The following FBXL7 variants were observed in gnomAD, a reference collection of about 807,000 sequenced individuals.
The protein encoded by FBXL7 is F-box and leucine rich repeat protein 7.
FBXL7 carries 12 observed loss-of-function variants against 38.3 expected under a neutral mutation model. The observed-to-expected ratio is 0.31, with a 90% CI of 0.20 to 0.51. FBXL7 has a LOEUF of 0.51. FBXL7 is among the 20% of genes least tolerant of loss of function. The pLI is 0.98. For synonymous variants in FBXL7, 297 were observed against 300.9 expected, an observed-to-expected ratio of 0.99 and a Z score of 0.13; for missense variants, 567 against 676.4, an observed-to-expected ratio of 0.84 and a Z score of 1.79.
At chr5:15,503,249 T>G (rs557979098) in intron 1 of FBXL7, among the ~76,000 whole-genome samples, 10 of 152,258 alleles carry the variant, frequency 6.6e-5, no homozygotes, top group African/African-American at 2.4e-4. Context: ...GGTGAAACCC[T>G]GTCTCTACTA....
chr5:15,637,283 A>G (rs867718924), intron 2 of FBXL7, among the ~76,000 whole-genome samples: 1 of 152,356 alleles, frequency 6.6e-6, no homozygotes, highest in African/African-American at 2.4e-5. Flanking sequence ...AAGCCCATAT[A>G]CAAGGGGAAT....
At chr5:15,666,999 T>C (rs1466886325) in intron 2 of FBXL7, among the ~76,000 whole-genome samples, 12 of 152,196 alleles carry the variant, frequency 7.9e-5, no homozygotes. Context: ...ATTATAACCT[T>C]GTTTGTGGGA....
intron 2 of FBXL7, among the ~76,000 whole-genome samples, chr5:15,621,985 A>G (rs1864220): frequency 6.6e-6 from 1 of 152,178 alleles, no homozygotes; most frequent in Non-Finnish European, 1.5e-5. Flanking sequence ...AGATGCAAAG[A>G]TAAATGAGAA....
At chr5:15,751,336 G>T (rs1244052488) in intron 2 of FBXL7, among the ~76,000 whole-genome samples, 1 of 152,164 alleles carries the variant, frequency 6.6e-6, no homozygotes, top group Admixed American at 6.5e-5. Flanking sequence ...GGGACTGAAG[G>T]ATATGACGTG....
intron 2 of FBXL7, among the ~76,000 whole-genome samples, chr5:15,730,217 G>A (rs1488799258): frequency 1.3e-5 from 2 of 151,748 alleles, no homozygotes. Context: ...ACAGAAATTT[G>A]GAAGAAATTT....
chr5:15,923,039 C>T (rs982008906), intron 2 of FBXL7, among the ~76,000 whole-genome samples: 1 of 152,180 alleles, frequency 6.6e-6, no homozygotes, highest in Non-Finnish European at 1.5e-5. Flanking sequence ...TTTCTTTCAG[C>T]ACATATAGTC....
rs146756955 is a variant in FBXL7 at position 15,783,362 on chromosome 5, T to G, written c.128-144528T>G. Among the ~76,000 whole-genome samples, 33 of 152,128 alleles carry G rather than the reference T, an allele frequency of 2.2e-4. 1 individual carries two copies. The highest frequency in any genetic ancestry group is 7.0e-4 in the African/African-American group (29 of 41,504). Reference sequence around the variant, plus strand: ...AATGAGAAGGTCCTGGGTGTGACACTGAGACGAGATGCCTAAGGCAGAGTG... The same window carrying G: ...AATGAGAAGGTCCTGGGTGTGACACGGAGACGAGATGCCTAAGGCAGAGTG... On this transcript the variant is annotated intron_variant, in intron 2 of 3. Coordinates refer to ENST00000504595, the MANE Select transcript of FBXL7 (RefSeq NM_012304.5).
intron 2 of FBXL7, among the ~76,000 whole-genome samples, chr5:15,770,552 G>T (rs73752303): frequency 6.6e-6 from 1 of 152,034 alleles, no homozygotes; most frequent in Non-Finnish European, 1.5e-5. Context: ...ATAAACGAAC[G>T]AGTAGCTACT....
intron 1 of FBXL7, among the ~76,000 whole-genome samples, chr5:15,531,376 A>G (rs1737426124): frequency 6.6e-6 from 1 of 152,156 alleles, no homozygotes; most frequent in African/African-American, 2.4e-5. Flanking sequence ...TCTCGTTAAA[A>G]TAAAGGACTT....
chr5:15,533,800 G>C (rs577683844), intron 1 of FBXL7, among the ~76,000 whole-genome samples: 16 of 152,086 alleles, frequency 1.1e-4, no homozygotes, highest in Non-Finnish European at 2.1e-4. Flanking sequence ...AGGAATATAG[G>C]GAGGATTAGG....
chr5:15,544,758 T>C (rs1580361847), intron 1 of FBXL7, among the ~76,000 whole-genome samples: 2 of 152,324 alleles, frequency 1.3e-5, no homozygotes, highest in South Asian at 4.1e-4. Context: ...ACATTCATTG[T>C]GGCCCTTATT....
chr5:15,777,116 G>A (rs971200005), intron 2 of FBXL7, among the ~76,000 whole-genome samples: 3 of 151,938 alleles, frequency 2.0e-5, no homozygotes, highest in African/African-American at 7.2e-5. Context: ...AACAACCTAG[G>A]GAGAGAGGAT....
intron 2 of FBXL7, among the ~76,000 whole-genome samples, chr5:15,747,409 G>A (rs1229342634): frequency 6.6e-6 from 1 of 152,162 alleles, no homozygotes; most frequent in African/African-American, 2.4e-5. Context: ...GATTGCCAAA[G>A]TAAAAGTTGC....
intron 2 of FBXL7, among the ~76,000 whole-genome samples, chr5:15,701,416 A>G (rs1743517256): frequency 6.6e-6 from 1 of 152,244 alleles, no homozygotes; most frequent in Non-Finnish European, 1.5e-5. Context: ...ATTCATCAGC[A>G]GTAAGTCATT....
At chr5:15,610,036 G>A (rs1740174731) in intron 1 of FBXL7, among the ~76,000 whole-genome samples, 1 of 152,200 alleles carries the variant, frequency 6.6e-6, no homozygotes, top group African/African-American at 2.4e-5. Flanking sequence ...GAGAATAAAA[G>A]CCAAGTGAAA....
intron 2 of FBXL7, among the ~76,000 whole-genome samples, chr5:15,812,337 G>T (rs959776314): frequency 6.6e-6 from 1 of 152,026 alleles, no homozygotes; most frequent in African/African-American, 2.4e-5. Flanking sequence ...GGGGCCTGTG[G>T]GGAAATGGGG....
At chr5:15,720,272 T>G in intron 2 of FBXL7, among the ~76,000 whole-genome samples, 1 of 148,808 alleles carries the variant, frequency 6.7e-6, no homozygotes, top group Non-Finnish European at 1.5e-5. Context: ...TTCTTTTGGG[T>G]TTTTCTCTGA....
At position 15,915,432 on chromosome 5, in the gene FBXL7, G is replaced by A. The variant is rs551261049; in HGVS notation, c.128-12458G>A. ...AGTGTTGCAGTGTAACTCTAGTTTC[G>A]GCCTCCGTCTTCACAGTGCCATCTC... On this transcript the variant is annotated intron_variant, in intron 2 of 3. Transcript: ENST00000504595. Among the ~76,000 whole-genome samples, 16 of 152,190 alleles carry A rather than the reference G, an allele frequency of 1.1e-4. No homozygotes were observed. The East Asian group carries it at 2.5e-3, about 24-fold the overall frequency.
At chr5:15,654,576 G>A (rs986758872) in intron 2 of FBXL7, among the ~76,000 whole-genome samples, 3 of 151,916 alleles carry the variant, frequency 2.0e-5, no homozygotes, top group Non-Finnish European at 2.9e-5. Flanking sequence ...TTTTTGTCTC[G>A]AATTTAGTAC....
Sources: gnomAD v4.1 joint callset for allele counts (sites outside exome capture counted in the v4.1 genomes callset) on GRCh38, gnomAD v4.1.1 for gene constraint, MANE v1.5 for transcripts, NCBI Gene and HGNC (gene_info 2026-07-23, HGNC 2026-07-21) for gene names.